ADCK1: variants seen among roughly 807,000 people sequenced by gnomAD.
ADCK1 encodes the protein aarF domain-containing protein kinase 1.
ADCK1 carries 41 observed loss-of-function variants against 52.3 expected under a neutral mutation model. That is an observed-to-expected ratio of 0.78 (90% CI 0.61 to 1.02). ADCK1 has a LOEUF of 1.02. ADCK1 is among the 50% of genes least tolerant of loss of function. The probability of loss-of-function intolerance (pLI) is 0.00; values close to 1 mark genes in which losing one functional copy is unlikely to be tolerated. For synonymous variants in ADCK1, 250 were observed against 274.6 expected, an observed-to-expected ratio of 0.91 and a Z score of 0.89; for missense variants, 658 against 679.5, an observed-to-expected ratio of 0.97 and a Z score of 0.35.
chr14:77,904,081 G>A (rs1395694287), intron 6 of ADCK1, among the ~76,000 whole-genome samples: 1 of 152,090 alleles, frequency 6.6e-6, no homozygotes, highest in Non-Finnish European at 1.5e-5. Context: ...CCCTCCATAT[G>A]GTTTTGCTCT....
In ADCK1 at chr14:77,825,142, G is replaced by T. The variant is rs143940531; in HGVS notation, c.219+2624G>T. Among the ~76,000 whole-genome samples, 373 of 152,288 alleles carry T rather than the reference G, an allele frequency of 2.4e-3. 1 individual carries two copies. Among genetic ancestry groups the T allele is most frequent in the Non-Finnish European group, 4.1e-3 (276 of 68,028 alleles). On this transcript the variant is annotated intron_variant, in intron 3 of 10. Transcript: ENST00000238561. Reference sequence around the variant, plus strand: ...TTTTATCTTTATTCTTGCCACAGACGATAGTTGGTTACATGCCTTTCTTTT... The same window carrying T: ...TTTTATCTTTATTCTTGCCACAGACTATAGTTGGTTACATGCCTTTCTTTT...
intron 6 of ADCK1, 76 bp downstream of exon 6, chr14:77,899,334 C>T: frequency 6.4e-7 from 1 of 1,559,948 alleles, no homozygotes. Flanking sequence ...CTGCCTTGAG[C>T]ATCCCTTTCA....
In ADCK1 at chr14:77,887,260, T is replaced by G; in HGVS notation, c.582+11T>G. ...ATTCTCCTGATGGAGGTGAGAGCCC[T>G]CCCTTTCTCCTTCCTGTGTCCTCAG... On this transcript the variant is annotated intron_variant, in intron 5 of 10. Coordinates refer to ENST00000238561, the MANE Select transcript of ADCK1 (RefSeq NM_020421.4). 1 of 1,549,830 alleles carries G rather than the reference T, an allele frequency of 6.5e-7. No homozygotes were observed. Among genetic ancestry groups the G allele is most frequent in the South Asian group, 1.2e-5 (1 of 80,864 alleles).
intron 3 of ADCK1, among the ~76,000 whole-genome samples, chr14:77,831,915 C>T (rs1293919619): frequency 6.6e-6 from 1 of 151,890 alleles, no homozygotes; most frequent in African/African-American, 2.4e-5. Flanking sequence ...ACATCTTGGG[C>T]ATCAGCAAGC....
chr14:77,885,312 T>G (rs186500389), intron 4 of ADCK1, among the ~76,000 whole-genome samples: 203 of 152,242 alleles, frequency 1.3e-3, no homozygotes, highest in African/African-American at 4.6e-3. Context: ...AGTGTGTTTT[T>G]GGGGGAGCAG....
chr14:77,891,680 C>T (rs1259712861), intron 5 of ADCK1, among the ~76,000 whole-genome samples: 6 of 152,072 alleles, frequency 3.9e-5, no homozygotes, highest in African/African-American at 1.4e-4. Context: ...ACAAGGCAAA[C>T]CTGAGACCCG....
At position 77,912,433 on chromosome 14, in the gene ADCK1, CGTGTGTGTGTGTGT is replaced by C. The variant is rs57555913; in HGVS notation, c.858+4545_858+4558del. Reference sequence around the variant, plus strand: ...CACGGCCTTGAAGACTACGGAGGAGCGTGTGTGTGTGTGTGTGTGTGTGTGTGTGTGTGTGTGTG... The same window carrying C: ...CACGGCCTTGAAGACTACGGAGGAGCGTGTGTGTGTGTGTGTGTGTGTGTG... On this transcript the variant is annotated intron_variant, in intron 7 of 10. Coordinates refer to ENST00000238561, the MANE Select transcript of ADCK1 (RefSeq NM_020421.4). 1.3e-4 allele frequency among the ~76,000 whole-genome samples: 18 copies of C among 138,254 alleles called. No homozygotes were observed. In the East Asian group the frequency reaches 1.3e-3, roughly 10 times the overall value. 90.7% of individuals were successfully genotyped at this position (138,254 alleles called of 152,430 possible).
At chr14:77,862,712 C>T (rs2082577967) in intron 4 of ADCK1, among the ~76,000 whole-genome samples, 1 of 152,226 alleles carries the variant, frequency 6.6e-6, no homozygotes, top group African/African-American at 2.4e-5. Flanking sequence ...CCTTCTCTCT[C>T]CTGCTGGTCT....
chr14:77,887,228 G>T lies in ADCK1; in HGVS notation c.561G>T (p.Ser187=). ...VQHPKVRAQS[S]KDILLMEVLV... ...ACCCAAAGGTGCGGGCTCAGAGCTC[G>T]AAGGACATTCTCCTGATGGAGGTGA... Residue 187 remains serine (S), a synonymous_variant, in exon 5 of 11, where the codon TCG becomes TCT. Transcript: ENST00000238561. 1 of 1,591,796 alleles carries T rather than the reference G, an allele frequency of 6.3e-7. No individual in the cohort carries two copies. Among genetic ancestry groups the T allele is most frequent in the South Asian group, 1.1e-5 (1 of 87,678 alleles).
intron 5 of ADCK1, among the ~76,000 whole-genome samples, chr14:77,894,867 T>C (rs1030456683): frequency 6.6e-6 from 1 of 150,556 alleles, no homozygotes; most frequent in African/African-American, 2.4e-5. Context: ...ATTCTCCTGC[T>C]TCAGCCTCCT....
intron 3 of ADCK1, among the ~76,000 whole-genome samples, chr14:77,824,741 G>T (rs2140045043): frequency 6.6e-6 from 1 of 152,178 alleles, no homozygotes; most frequent in Admixed American, 6.6e-5. Context: ...GCCCCAAAAT[G>T]CCTTTTTACA....
chr14:77,875,900 G>C (rs575526613), intron 4 of ADCK1, among the ~76,000 whole-genome samples: 3 of 152,218 alleles, frequency 2.0e-5, no homozygotes, highest in African/African-American at 7.2e-5. Context: ...CACATCTTGG[G>C]GTTCACACTT....
intron 1 of ADCK1, among the ~76,000 whole-genome samples, chr14:77,815,994 A>T (rs750917696): frequency 2.8e-4 from 43 of 151,646 alleles, no homozygotes; most frequent in Non-Finnish European, 5.6e-4. Flanking sequence ...GTTAATAGAG[A>T]TGGGGTTTCA....
At chr14:77,821,532 C>A (rs941765542) in intron 2 of ADCK1, among the ~76,000 whole-genome samples, 2 of 151,954 alleles carry the variant, frequency 1.3e-5, no homozygotes, top group African/African-American at 4.8e-5. Flanking sequence ...CCTAGGATAT[C>A]GTGGAGATTG....
chr14:77,871,835 G>A (rs2082784941), intron 4 of ADCK1, among the ~76,000 whole-genome samples: 1 of 152,158 alleles, frequency 6.6e-6, no homozygotes, highest in Admixed American at 6.5e-5. Context: ...AGTAAGTACT[G>A]TTTTTATTAT....
chr14:77,802,088 G>C (rs1351913764), intron 1 of ADCK1, among the ~76,000 whole-genome samples: 1 of 151,900 alleles, frequency 6.6e-6, no homozygotes, highest in Non-Finnish European at 1.5e-5. Flanking sequence ...TGCACTTTTT[G>C]CTCTCTTGGT....
chr14:77,914,522 A>G (rs965073740), intron 7 of ADCK1: 18 of 985,322 alleles, frequency 1.8e-5, no homozygotes, highest in African/African-American at 5.2e-5. Context: ...CACTTGCTAC[A>G]ATAGAGGTGT....
chr14:77,849,019 G>T (rs757964059), intron 3 of ADCK1, among the ~76,000 whole-genome samples: 1 of 151,924 alleles, frequency 6.6e-6, no homozygotes, highest in Non-Finnish European at 1.5e-5. Flanking sequence ...TAGTAGAGAC[G>T]GGGTTTCACC....
chr14:77,801,887 G>T (rs2081117811), intron 1 of ADCK1, among the ~76,000 whole-genome samples: 1 of 152,224 alleles, frequency 6.6e-6, no homozygotes, highest in South Asian at 2.1e-4. Context: ...GCTGCAGTGA[G>T]CCGAGATCGT....
Sources: allele counts gnomAD v4.1 joint callset (sites outside exome capture counted in the v4.1 genomes callset), GRCh38; gene constraint gnomAD v4.1.1; transcripts MANE v1.5; gene names NCBI Gene and HGNC (gene_info 2026-07-23, HGNC 2026-07-21).